The following CRPPA variants were observed in gnomAD, a reference collection of about 807,000 sequenced individuals.
The protein encoded by CRPPA is D-ribitol-5-phosphate cytidylyltransferase.
Under a neutral mutation model 52.0 loss-of-function variants are expected in CRPPA, and 43 were observed. That is an observed-to-expected ratio of 0.83 (90% CI 0.65 to 1.07). CRPPA has a LOEUF of 1.07. Ranked by LOEUF, CRPPA falls within the 50% of genes least tolerant of loss-of-function variation. The pLI, the probability that CRPPA is intolerant of heterozygous loss-of-function variation, is 0.00. For synonymous variants in CRPPA, 250 were observed against 203.5 expected (o/e 1.23, Z -1.94); for missense variants, 629 against 551.7 (o/e 1.14, Z -1.40).
At chr7:16,370,628 C>G (rs1002093639) in intron 3 of CRPPA, among the ~76,000 whole-genome samples, 16 of 152,126 alleles carry the variant, frequency 1.1e-4, no homozygotes, top group African/African-American at 3.4e-4. Context: ...GGCCTCGAGT[C>G]CCAGATCTTT....
chr7:16,322,598 A>G (rs1785286427), intron 3 of CRPPA, among the ~76,000 whole-genome samples: 1 of 152,204 alleles, frequency 6.6e-6, no homozygotes, highest in South Asian at 2.1e-4. Flanking sequence ...GACTTAACTA[A>G]GGAATAATCA....
At chr7:16,396,131 C>G (rs1787562540) in intron 2 of CRPPA, among the ~76,000 whole-genome samples, 1 of 152,178 alleles carries the variant, frequency 6.6e-6, no homozygotes, top group South Asian at 2.1e-4. Flanking sequence ...GAAGACAATA[C>G]TATGGTATCC....
chr7:16,312,670 T>C, intron 3 of CRPPA, among the ~76,000 whole-genome samples: 1 of 152,008 alleles, frequency 6.6e-6, no homozygotes, highest in East Asian at 1.9e-4. Flanking sequence ...GTTCTTGACC[T>C]TACCAGGAAA....
intron 9 of CRPPA, among the ~76,000 whole-genome samples, chr7:16,159,929 T>C (rs1165819389): frequency 6.6e-6 from 1 of 152,244 alleles, no homozygotes; most frequent in Non-Finnish European, 1.5e-5. Flanking sequence ...TGCATTTCTA[T>C]AGTGACCAGT....
At chr7:16,311,588 T>C (rs1167517017) in intron 3 of CRPPA, among the ~76,000 whole-genome samples, 1 of 152,144 alleles carries the variant, frequency 6.6e-6, no homozygotes, top group Admixed American at 6.5e-5. Flanking sequence ...CTATTTATGT[T>C]GGTTCCAGTT....
At chr7:16,168,514 T>C (rs910336431) in intron 9 of CRPPA, among the ~76,000 whole-genome samples, 1 of 145,986 alleles carries the variant, frequency 6.8e-6, no homozygotes, top group Non-Finnish European at 1.5e-5. Context: ...TAAAATGACA[T>C]AAGACACTGA....
chr7:16,289,276 A>G (rs919597287), intron 5 of CRPPA, among the ~76,000 whole-genome samples: 3 of 152,214 alleles, frequency 2.0e-5, no homozygotes, highest in Non-Finnish European at 4.4e-5. Flanking sequence ...TACCAAACAT[A>G]TCAAGAAGAA....
At chr7:16,380,773 T>G (rs1787063699) in intron 2 of CRPPA, among the ~76,000 whole-genome samples, 1 of 152,254 alleles carries the variant, frequency 6.6e-6, no homozygotes, top group South Asian at 2.1e-4. Context: ...CTAGTTTATT[T>G]TCCTAGAGGT....
intron 3 of CRPPA, among the ~76,000 whole-genome samples, chr7:16,324,198 C>T (rs1395801695): frequency 2.0e-5 from 3 of 152,158 alleles, no homozygotes. Flanking sequence ...TGGACTAAGG[C>T]CTTCATGTCC....
At chr7:16,283,675 G>A (rs940407980) in intron 5 of CRPPA, among the ~76,000 whole-genome samples, 1 of 151,594 alleles carries the variant, frequency 6.6e-6, no homozygotes, top group East Asian at 1.9e-4. Context: ...TGTGGCAATA[G>A]GAGGATGGTG....
At chr7:16,330,558 T>C (rs1254881338) in intron 3 of CRPPA, among the ~76,000 whole-genome samples, 2 of 152,106 alleles carry the variant, frequency 1.3e-5, no homozygotes, top group African/African-American at 2.4e-5. Flanking sequence ...TCAAATGTAA[T>C]TGACAAATTC....
chr7:16,156,279 G>A (rs1176043356), intron 9 of CRPPA, among the ~76,000 whole-genome samples: 1 of 152,120 alleles, frequency 6.6e-6, no homozygotes, highest in Non-Finnish European at 1.5e-5. Flanking sequence ...TTCTATCTTA[G>A]ACAAGACTTT....
chr7:16,244,163 A>T (rs1258681137), intron 8 of CRPPA, among the ~76,000 whole-genome samples: 1 of 152,070 alleles, frequency 6.6e-6, no homozygotes, highest in African/African-American at 2.4e-5. Context: ...TCATGGTGAA[A>T]ATTTGTTCCC....
chr7:16,145,055 G>C (rs1260280637), intron 9 of CRPPA, among the ~76,000 whole-genome samples: 2 of 152,172 alleles, frequency 1.3e-5, no homozygotes, highest in Non-Finnish European at 2.9e-5. Context: ...TCCAGCAGGA[G>C]TCAAAACCAT....
intron 9 of CRPPA, among the ~76,000 whole-genome samples, chr7:16,136,478 T>G (rs1782764185): frequency 2.0e-5 from 3 of 152,204 alleles, no homozygotes; most frequent in South Asian, 4.1e-4. Context: ...TTCAGAAAAC[T>G]ATTCTTTTTG....
At chr7:16,110,298 T>A (rs1375642004) in intron 9 of CRPPA, among the ~76,000 whole-genome samples, 4 of 152,192 alleles carry the variant, frequency 2.6e-5, no homozygotes, top group South Asian at 4.1e-4. Flanking sequence ...TAGAAAGATA[T>A]CTCATGTTCA....
chr7:16,140,969 A>T (rs1173318218), intron 9 of CRPPA, among the ~76,000 whole-genome samples: 2 of 152,204 alleles, frequency 1.3e-5, no homozygotes, highest in Non-Finnish European at 2.9e-5. Flanking sequence ...GTGAATGCCT[A>T]AAACTGACTA....
chr7:16,243,899 G>A (rs1289593369), intron 8 of CRPPA, among the ~76,000 whole-genome samples: 1 of 152,084 alleles, frequency 6.6e-6, no homozygotes, highest in Non-Finnish European at 1.5e-5. Context: ...CCTGGGAGAT[G>A]GAGGCTTCAT....
intron 9 of CRPPA, among the ~76,000 whole-genome samples, chr7:16,187,643 T>G (rs1214859291): frequency 6.6e-6 from 1 of 152,128 alleles, no homozygotes; most frequent in Non-Finnish European, 1.5e-5. Flanking sequence ...GAAATAAAAA[T>G]GTAGTAAAAG....
Sources: gnomAD v4.1 joint callset for allele counts (sites outside exome capture counted in the v4.1 genomes callset) on GRCh38, gnomAD v4.1.1 for gene constraint, MANE v1.5 for transcripts, NCBI Gene and HGNC (gene_info 2026-07-23, HGNC 2026-07-21) for gene names.